LRFN5: variants seen among roughly 807,000 people sequenced by gnomAD.
The protein encoded by LRFN5 is leucine rich repeat and fibronectin type III domain containing 5, also known as leucine-rich repeat and fibronectin type-III domain-containing protein 5.
A neutral mutation model predicts 45.6 loss-of-function variants in LRFN5; 24 were observed. The observed-to-expected ratio is 0.53, with a 90% confidence interval of 0.38 to 0.74. LRFN5 has a LOEUF of 0.74. LRFN5 is among the 30% of genes least tolerant of loss of function. LRFN5 has a pLI of 0.00. For synonymous variants in LRFN5, 340 were observed against 313.8 expected (o/e 1.08, Z -0.88); for missense variants, 776 against 861.5 (o/e 0.90, Z 1.24).
intron 2 of LRFN5, among the ~76,000 whole-genome samples, chr14:41,881,178 C>G (rs1411951188): frequency 6.6e-6 from 1 of 152,054 alleles, no homozygotes; most frequent in African/African-American, 2.4e-5. Context: ...CATTATTTCT[C>G]TTTTCCTTCT....
At chr14:41,688,010 GCAA>G (rs1882198473) in intron 1 of LRFN5, among the ~76,000 whole-genome samples, 1 of 152,200 alleles carries the variant, frequency 6.6e-6, no homozygotes, top group Non-Finnish European at 1.5e-5. Flanking sequence ...GATCTTGTCA[GCAA>G]CAACATGGAT....
intron 2 of LRFN5, among the ~76,000 whole-genome samples, chr14:41,834,606 A>G (rs549683220): frequency 1.3e-5 from 2 of 152,274 alleles, no homozygotes; most frequent in South Asian, 4.1e-4. Flanking sequence ...TAATCATGTT[A>G]AATATTATAA....
intron 2 of LRFN5, among the ~76,000 whole-genome samples, chr14:41,855,916 G>T (rs1212714252): frequency 1.3e-5 from 2 of 152,042 alleles, no homozygotes; most frequent in Non-Finnish European, 2.9e-5. Flanking sequence ...AGTGTATAGA[G>T]ACCTTTTAAA....
Position 41,663,847 on chromosome 14 carries a change from A to T in LRFN5, c.-197+55285A>T, listed in dbSNP as rs185369488. On this transcript the variant is annotated intron_variant, in intron 1 of 5. Coordinates refer to ENST00000298119, the MANE Select transcript of LRFN5 (RefSeq NM_152447.5). ...AGAAAAATATTAAATAATAAGATGAACTCATATAAAAATGAAATAAATAGT... is the reference window on the plus strand; with the variant it reads ...AGAAAAATATTAAATAATAAGATGATCTCATATAAAAATGAAATAAATAGT... Among the ~76,000 whole-genome samples the T allele has an allele frequency of 2.7e-3, 417 of 152,124 alleles. 2 individuals are homozygous for T. Among genetic ancestry groups the T allele is most frequent in the African/African-American group, 9.3e-3 (388 of 41,514 alleles).
chr14:41,863,283 CTCTTG>C (rs1889731314), intron 2 of LRFN5, among the ~76,000 whole-genome samples: 1 of 152,038 alleles, frequency 6.6e-6, no homozygotes, highest in Non-Finnish European at 1.5e-5. Context: ...ATAATTTCTC[CTCTTG>C]TCTTTATTAT....
intron 2 of LRFN5, among the ~76,000 whole-genome samples, chr14:41,801,140 C>G (rs376344935): frequency 1.4e-4 from 22 of 151,966 alleles, no homozygotes; most frequent in African/African-American, 5.1e-4. Context: ...ATTTTGAAGC[C>G]TGGTATAATT....
At chr14:41,860,075 A>C (rs967655637) in intron 2 of LRFN5, among the ~76,000 whole-genome samples, 1 of 152,176 alleles carries the variant, frequency 6.6e-6, no homozygotes, top group Non-Finnish European at 1.5e-5. Context: ...GGGTACAGAC[A>C]GTTATCGCTG....
intron 1 of LRFN5, among the ~76,000 whole-genome samples, chr14:41,749,229 A>G (rs1885035386): frequency 6.6e-6 from 1 of 152,178 alleles, no homozygotes; most frequent in Non-Finnish European, 1.5e-5. Context: ...GTATGCAAAC[A>G]GTAACAATCC....
intron 2 of LRFN5, among the ~76,000 whole-genome samples, chr14:41,846,652 T>A (rs1384417435): frequency 6.6e-6 from 1 of 152,210 alleles, no homozygotes; most frequent in Non-Finnish European, 1.5e-5. Flanking sequence ...TGCACTTTCC[T>A]ATATGTATGT....
intron 1 of LRFN5, among the ~76,000 whole-genome samples, chr14:41,676,841 A>G (rs1422856934): frequency 1.3e-5 from 2 of 152,172 alleles, no homozygotes; most frequent in Non-Finnish European, 1.5e-5. Flanking sequence ...CATCACAGAC[A>G]TCCCTGTGGA....
intron 2 of LRFN5, among the ~76,000 whole-genome samples, chr14:41,880,926 A>G (rs1301083589): frequency 1.3e-5 from 2 of 152,128 alleles, no homozygotes; most frequent in Non-Finnish European, 2.9e-5. Context: ...ATTTATAGCC[A>G]CATCAACTTT....
chr14:41,770,607 G>C (rs554717683), intron 2 of LRFN5, among the ~76,000 whole-genome samples: 1 of 152,132 alleles, frequency 6.6e-6, no homozygotes, highest in Non-Finnish European at 1.5e-5. Flanking sequence ...CACAATCCTC[G>C]ACTTCATGTT....
intron 5 of LRFN5, 47 bp from the exon 6 acceptor site, chr14:41,904,111 T>G (rs1891178029): frequency 6.8e-7 from 1 of 1,476,042 alleles, no homozygotes; most frequent in Admixed American, 1.7e-5. Context: ...TTTTCTTTCT[T>G]TCTTCCTTTC....
chr14:41,792,522 C>T (rs1886962006), intron 2 of LRFN5, among the ~76,000 whole-genome samples: 1 of 151,870 alleles, frequency 6.6e-6, no homozygotes, highest in Non-Finnish European at 1.5e-5. Flanking sequence ...ATAGACCACC[C>T]CCCAGGAATG....
intron 1 of LRFN5, among the ~76,000 whole-genome samples, chr14:41,692,834 A>AT (rs200989688): frequency 6.6e-6 from 1 of 151,186 alleles, no homozygotes; most frequent in Admixed American, 6.6e-5. Flanking sequence ...AAGCTCTTCA[A>AT]TTTTTTTTTC....
At chr14:41,820,379 C>T (rs1888072883) in intron 2 of LRFN5, among the ~76,000 whole-genome samples, 1 of 151,954 alleles carries the variant, frequency 6.6e-6, no homozygotes, top group Admixed American at 6.6e-5. Flanking sequence ...ATTCCCATTT[C>T]CATGGTGTAT....
chr14:41,659,361 T>C (rs1880525122), intron 1 of LRFN5, among the ~76,000 whole-genome samples: 1 of 152,096 alleles, frequency 6.6e-6, no homozygotes, highest in Admixed American at 6.6e-5. Flanking sequence ...TTCATCCCTG[T>C]CCCTGCAAAG....
intron 2 of LRFN5, among the ~76,000 whole-genome samples, chr14:41,849,706 G>A (rs113531458): frequency 6.6e-6 from 1 of 151,978 alleles, no homozygotes; most frequent in Non-Finnish European, 1.5e-5. Flanking sequence ...TTTACTGCAT[G>A]CATGGTGTAA....
chr14:41,642,421 G>T (rs759098504), intron 1 of LRFN5, among the ~76,000 whole-genome samples: 4 of 152,086 alleles, frequency 2.6e-5, no homozygotes, highest in Non-Finnish European at 5.9e-5. Flanking sequence ...TAGCTCAATG[G>T]CTGTTATGAA....
Sources: allele counts gnomAD v4.1 joint callset (sites outside exome capture counted in the v4.1 genomes callset), GRCh38; gene constraint gnomAD v4.1.1; transcripts MANE v1.5; gene names NCBI Gene and HGNC (gene_info 2026-07-23, HGNC 2026-07-21).